Variants in SORCS1 observed in about 807,000 individuals in gnomAD.
SORCS1 encodes the protein VPS10 domain-containing receptor SorCS1.
In SORCS1, 60 loss-of-function variants were observed where a neutral mutation model predicts 146.1. The ratio of observed to expected loss-of-function variants is 0.41; its 90% CI spans 0.33 to 0.51. The LOEUF is 0.51. Ranked by LOEUF, SORCS1 falls within the 20% of genes least tolerant of loss-of-function variation. SORCS1 has a pLI of 0.21. For missense variants in SORCS1, 1,352 were observed against 1,487.6 expected (o/e 0.91, Z 1.50); for synonymous variants, 637 against 584.0 (o/e 1.09, Z -1.31).
At chr10:107,059,335 T>C (rs146346706) in intron 1 of SORCS1, among the ~76,000 whole-genome samples, 79 of 152,348 alleles carry the variant, frequency 5.2e-4, no homozygotes, top group African/African-American at 1.8e-3. Context: ...TCGCTGAAAC[T>C]GTGACATGAT....
At chr10:106,825,743 G>C (rs529644309) in intron 3 of SORCS1, among the ~76,000 whole-genome samples, 1 of 152,090 alleles carries the variant, frequency 6.6e-6, no homozygotes, top group Non-Finnish European at 1.5e-5. Flanking sequence ...GAACTGGGGT[G>C]GGGGGAACTG....
chr10:107,009,168 T>C (rs1050181931), intron 1 of SORCS1, among the ~76,000 whole-genome samples: 1 of 152,192 alleles, frequency 6.6e-6, no homozygotes, highest in Admixed American at 6.5e-5. Flanking sequence ...CATGATCAAG[T>C]ATGGCAAAAA....
At chr10:106,581,792 C>A (rs1844934824) in intron 24 of SORCS1, among the ~76,000 whole-genome samples, 2 of 152,186 alleles carry the variant, frequency 1.3e-5, no homozygotes. Context: ...TCTCTCTCAT[C>A]ATTACCACAA....
intron 1 of SORCS1, among the ~76,000 whole-genome samples, chr10:107,150,625 C>T (rs1590247295): frequency 6.6e-6 from 1 of 152,336 alleles, no homozygotes; most frequent in Non-Finnish European, 1.5e-5. Flanking sequence ...TTGGCTGTGT[C>T]TCCATCCAAA....
chr10:107,053,116 C>T (rs532984723), intron 1 of SORCS1, among the ~76,000 whole-genome samples: 3 of 152,222 alleles, frequency 2.0e-5, no homozygotes, highest in African/African-American at 7.2e-5. Flanking sequence ...ATGCTTTTCC[C>T]TCGCTTATAG....
At chr10:106,928,280 C>T (rs995034022) in intron 2 of SORCS1, among the ~76,000 whole-genome samples, 9 of 152,214 alleles carry the variant, frequency 5.9e-5, no homozygotes, top group African/African-American at 1.9e-4. Context: ...GGCGAGAAAT[C>T]GAGCGCAGCG....
At chr10:107,094,016 C>T (rs1964384722) in intron 1 of SORCS1, among the ~76,000 whole-genome samples, 1 of 152,190 alleles carries the variant, frequency 6.6e-6, no homozygotes, top group Non-Finnish European at 1.5e-5. Context: ...ATTCTTATCA[C>T]TCTATTTAAA....
At chr10:107,142,147 T>C (rs1174818306) in intron 1 of SORCS1, among the ~76,000 whole-genome samples, 1 of 152,170 alleles carries the variant, frequency 6.6e-6, no homozygotes, top group African/African-American at 2.4e-5. Flanking sequence ...ATTTGCTACT[T>C]CCCAGGGGCC....
intron 18 of SORCS1, among the ~76,000 whole-genome samples, chr10:106,631,020 T>C (rs1441649896): frequency 6.6e-6 from 1 of 152,216 alleles, no homozygotes; most frequent in Non-Finnish European, 1.5e-5. Context: ...AACAAAAACC[T>C]TTGAACTAGA....
At chr10:106,776,793 G>T (rs11599692) in intron 3 of SORCS1, 101 bp from the exon 4 acceptor site, 151,484 of 1,322,772 alleles carry the variant, frequency 0.11, 9,606 homozygotes, top group African/African-American at 0.21. Flanking sequence ...AAGGACAGGG[G>T]CAGGCAAAGA....
chr10:106,997,015 A>G (rs1034089327), intron 1 of SORCS1, among the ~76,000 whole-genome samples: 1 of 151,536 alleles, frequency 6.6e-6, no homozygotes, highest in Non-Finnish European at 1.5e-5. Flanking sequence ...GGAGGACTGC[A>G]TAACATTCTC....
intron 2 of SORCS1, among the ~76,000 whole-genome samples, chr10:106,954,130 G>A (rs1589781803): frequency 6.6e-6 from 1 of 152,226 alleles, no homozygotes; most frequent in South Asian, 2.1e-4. Flanking sequence ...AGGGCAACCT[G>A]CTCCTCAGGC....
the SORCS1 span, among the ~76,000 whole-genome samples, chr10:107,180,903 A>G: frequency 1.3e-5 from 2 of 152,344 alleles, no homozygotes; most frequent in Middle Eastern, 3.4e-3. Flanking sequence ...TATTGCTCCT[A>G]GGCTACAAAA....
chr10:106,949,815 T>C (rs1954578624), intron 2 of SORCS1, among the ~76,000 whole-genome samples: 1 of 152,152 alleles, frequency 6.6e-6, no homozygotes, highest in African/African-American at 2.4e-5. Context: ...TCAGGCAACC[T>C]CTAAGATAGA....
chr10:106,957,383 G>A (rs1239837170), intron 1 of SORCS1, among the ~76,000 whole-genome samples: 4 of 151,806 alleles, frequency 2.6e-5, no homozygotes, highest in African/African-American at 9.7e-5. Flanking sequence ...TGTTGGGTAG[G>A]CTGGTCTCGA....
At chr10:106,834,171 A>G (rs187311777) in intron 2 of SORCS1, among the ~76,000 whole-genome samples, 4 of 152,264 alleles carry the variant, frequency 2.6e-5, no homozygotes, top group Admixed American at 2.6e-4. Context: ...TCGCACATTT[A>G]TGGGAGCTGT....
At chr10:106,593,544 G>T (rs1408751843) in intron 24 of SORCS1, among the ~76,000 whole-genome samples, 1 of 152,092 alleles carries the variant, frequency 6.6e-6, no homozygotes, top group Non-Finnish European at 1.5e-5. Context: ...CATTATCTTT[G>T]TTTACTTATC....
intron 1 of SORCS1, among the ~76,000 whole-genome samples, chr10:107,126,050 T>A (rs114081637): frequency 0.012 from 1,867 of 152,246 alleles, 37 homozygotes; most frequent in African/African-American, 0.042. Flanking sequence ...TTATTTAAGG[T>A]CAATTTATCT....
At chr10:107,037,546 G>A (rs1024667116) in intron 1 of SORCS1, among the ~76,000 whole-genome samples, 8 of 152,304 alleles carry the variant, frequency 5.3e-5, no homozygotes, top group African/African-American at 1.9e-4. Context: ...CTGTGGGAGT[G>A]GGGAAACCCA....
Sources: allele counts gnomAD v4.1 joint callset (sites outside exome capture counted in the v4.1 genomes callset), GRCh38; gene constraint gnomAD v4.1.1; transcripts MANE v1.5; gene names NCBI Gene and HGNC (gene_info 2026-07-23, HGNC 2026-07-21).